Variants in ARHGAP32 observed in about 807,000 individuals in gnomAD.
The protein encoded by ARHGAP32 is rho GTPase-activating protein 32.
In ARHGAP32, 51 loss-of-function variants were observed where a neutral mutation model predicts 186.5. The ratio of observed to expected loss-of-function variants is 0.27; its 90% CI spans 0.22 to 0.35. The LOEUF is 0.35. Ranked by LOEUF, ARHGAP32 falls within the 10% of genes least tolerant of loss-of-function variation. The pLI is 1.00. For missense variants in ARHGAP32, 2,186 were observed against 2,623.5 expected (o/e 0.83, Z 3.64); for synonymous variants, 950 against 964.3 (o/e 0.99, Z 0.27).
At chr11:129,222,588 A>G (rs1426809557) in intron 1 of ARHGAP32, among the ~76,000 whole-genome samples, 1 of 152,190 alleles carries the variant, frequency 6.6e-6, no homozygotes, top group Non-Finnish European at 1.5e-5. Flanking sequence ...CAAAAGGGAG[A>G]AGAGAAAGAT....
Position 129,169,976 on chromosome 11 carries a change from A to G in ARHGAP32, c.117-5549T>C, listed in dbSNP as rs148697075. On this transcript the variant is annotated intron_variant, in intron 1 of 22. Coordinates refer to ENST00000682385, the MANE Select transcript of ARHGAP32 (RefSeq NM_001378024.1). ...TAGAGCAAAAGCTAGACATTACTAG[A>G]AGAGAAAATTATAGGTTGATATAAT... 4.0e-4 allele frequency among the ~76,000 whole-genome samples: 61 copies of G among 152,250 alleles called. No homozygotes were observed. In the East Asian group the frequency reaches 9.6e-3, roughly 24 times the overall value.
intron 1 of ARHGAP32, among the ~76,000 whole-genome samples, chr11:129,233,287 T>G (rs1465110567): frequency 6.6e-6 from 1 of 152,132 alleles, no homozygotes; most frequent in Non-Finnish European, 1.5e-5. Flanking sequence ...GGTCACATAT[T>G]AAAGACTTCT....
Position 129,136,608 on chromosome 11 carries a change from A to G in ARHGAP32, c.226-11714T>C, listed in dbSNP as rs541728329. 5.9e-5 allele frequency among the ~76,000 whole-genome samples: 9 copies of G among 152,328 alleles called. No individual in the cohort carries two copies. In the East Asian group the frequency reaches 1.7e-3, roughly 29 times the overall value. On this transcript the variant is annotated intron_variant, in intron 2 of 22. Coordinates refer to ENST00000682385, the MANE Select transcript of ARHGAP32 (RefSeq NM_001378024.1). ...CAAATGCAAAAAACATAAGCTAAAT[A>G]GAATAATAAATCAAATCTATCATTG...
Position 129,262,773 on chromosome 11 carries a change from T to C in ARHGAP32, c.-5+16373A>G, listed in dbSNP as rs1032045702. Among the ~76,000 whole-genome samples the C allele has an allele frequency of 7.8e-5, 3 of 38,320 alleles. No individual in the cohort carries two copies. In the East Asian group the frequency reaches 2.2e-3, roughly 28 times the overall value. 25.1% of individuals were successfully genotyped at this position (38,320 alleles called of 152,430 possible). A position where few individuals can be genotyped will look rare whatever the true frequency, so the allele number is the denominator to read the frequency against. On this transcript the variant is annotated intron_variant, in intron 1 of 6. Coordinates refer to the ARHGAP32 transcript ENST00000525234. The stretch of plus-strand genomic sequence containing the variant: ...AACTACAAAAATCCTGGGAGAAGAC[T>C]GCAACACACCAAAAAAAAAACCTCA...
chr11:129,104,167 A>T (rs1941983986), intron 5 of ARHGAP32, among the ~76,000 whole-genome samples: 1 of 152,118 alleles, frequency 6.6e-6, no homozygotes, highest in Non-Finnish European at 1.5e-5. Context: ...ACCTCACCAA[A>T]AAAAATTTCT....
At chr11:128,987,925 T>C in intron 13 of ARHGAP32, 98 bp downstream of exon 13, 1 of 798,050 alleles carries the variant, frequency 1.3e-6, no homozygotes, top group Middle Eastern at 2.3e-4. Context: ...TAAATTATCT[T>C]TAATGAAAAT....
At chr11:129,041,349 C>G (rs1055567283) in intron 10 of ARHGAP32, among the ~76,000 whole-genome samples, 1 of 152,016 alleles carries the variant, frequency 6.6e-6, no homozygotes, top group Admixed American at 6.5e-5. Context: ...TAATAATGCG[C>G]TTTACTGAAA....
At chr11:128,985,448 G>A (rs895493407) in intron 15 of ARHGAP32, among the ~76,000 whole-genome samples, 12 of 152,044 alleles carry the variant, frequency 7.9e-5, no homozygotes, top group Non-Finnish European at 1.6e-4. Flanking sequence ...ATTTTAAAAT[G>A]TATCTTTTGT....
At chr11:129,047,188 T>A (rs947424802) in intron 10 of ARHGAP32, among the ~76,000 whole-genome samples, 2 of 152,112 alleles carry the variant, frequency 1.3e-5, no homozygotes, top group African/African-American at 4.8e-5. Context: ...GGCTAGCGAA[T>A]CTTTAGCACT....
intron 7 of ARHGAP32, among the ~76,000 whole-genome samples, chr11:129,065,771 C>G (rs528678419): frequency 5.3e-5 from 8 of 152,052 alleles, no homozygotes; most frequent in Non-Finnish European, 1.0e-4. Flanking sequence ...CTTGCATCCA[C>G]TCTCTCCTCC....
At chr11:129,004,765 G>T (rs1395659053) in intron 11 of ARHGAP32, among the ~76,000 whole-genome samples, 2 of 151,986 alleles carry the variant, frequency 1.3e-5, no homozygotes, top group African/African-American at 4.8e-5. Flanking sequence ...TATCTTTATA[G>T]ATGAAGTGTG....
chr11:129,042,966 T>G (rs1214961117), intron 10 of ARHGAP32, among the ~76,000 whole-genome samples: 1 of 152,146 alleles, frequency 6.6e-6, no homozygotes, highest in Non-Finnish European at 1.5e-5. Context: ...GGATAGAATG[T>G]TAAAAGTCAT....
At chr11:128,998,171 G>A (rs1005441488) in intron 12 of ARHGAP32, 148 bp downstream of exon 12, 1 of 561,758 alleles carries the variant, frequency 1.8e-6, no homozygotes, top group African/African-American at 1.9e-5. Context: ...GCTCCATCCA[G>A]AACTGAGTAC....
intron 1 of ARHGAP32, among the ~76,000 whole-genome samples, chr11:129,208,206 T>A (rs1243462294): frequency 2.0e-5 from 3 of 152,172 alleles, no homozygotes; most frequent in African/African-American, 7.2e-5. Context: ...TTAGAATGAA[T>A]TCATCAGTTT....
At chr11:129,004,835 CT>C (rs1327707682) in intron 11 of ARHGAP32, among the ~76,000 whole-genome samples, 1 of 152,040 alleles carries the variant, frequency 6.6e-6, no homozygotes, top group Admixed American at 6.6e-5. Flanking sequence ...CACTCTATGT[CT>C]TTTATTGAAG....
At chr11:129,064,718 T>A (rs1940628804) in intron 8 of ARHGAP32, 123 bp downstream of exon 8, 1 of 697,268 alleles carries the variant, frequency 1.4e-6, no homozygotes, top group African/African-American at 1.8e-5. Flanking sequence ...TCCCAGATGC[T>A]GAGAATATAC....
At chr11:129,179,063 C>T (rs1943987820) in intron 1 of ARHGAP32, among the ~76,000 whole-genome samples, 1 of 151,202 alleles carries the variant, frequency 6.6e-6, no homozygotes, top group Non-Finnish European at 1.5e-5. Context: ...GGGCTAATAT[C>T]CAGAATCTAC....
intron 2 of ARHGAP32, among the ~76,000 whole-genome samples, chr11:129,153,025 T>TA (rs1319064823): frequency 6.6e-6 from 1 of 151,992 alleles, no homozygotes; most frequent in African/African-American, 2.4e-5. Context: ...ATCTGATAAA[T>TA]AGATTCAGTA....
chr11:129,041,817 G>A (rs962116493), intron 10 of ARHGAP32, among the ~76,000 whole-genome samples: 1 of 152,136 alleles, frequency 6.6e-6, no homozygotes, highest in Admixed American at 6.6e-5. Flanking sequence ...AAGCAAAGAG[G>A]AAATCTTTAT....
Sources: gnomAD v4.1 joint callset for allele counts (sites outside exome capture counted in the v4.1 genomes callset) on GRCh38, gnomAD v4.1.1 for gene constraint, MANE v1.5 for transcripts, NCBI Gene and HGNC (gene_info 2026-07-23, HGNC 2026-07-21) for gene names.